MPP2: variants seen among roughly 807,000 people sequenced by gnomAD.
MPP2 encodes MAGUK p55 scaffold protein 2, also known as MAGUK p55 subfamily member 2.
MPP2 carries 42 observed loss-of-function variants against 58.5 expected under a neutral mutation model. The observed-to-expected ratio is 0.72, with a 90% CI of 0.56 to 0.93. The LOEUF is 0.93. MPP2 is among the 40% of genes least tolerant of loss of function. The probability of loss-of-function intolerance (pLI) is 0.00; values close to 1 mark genes in which losing one functional copy is unlikely to be tolerated. For missense variants in MPP2, 632 were observed against 760.4 expected (o/e 0.83, Z 1.99); for synonymous variants, 300 against 307.8 (o/e 0.97, Z 0.26).
chr17:43,875,915 C>T lies in MPP2; in HGVS notation c.*1892G>A, dbSNP rs9896181. ...AGAAGGTAGGAAATGGCAAGTGACC[C>T]TATAGCCTCAGGTCAGCAAGAAAAC... On this transcript the variant is annotated 3_prime_UTR_variant, in exon 13 of 13. Transcript: ENST00000269095. 6.6e-6 allele frequency: 1 copy of T among 152,116 alleles called. No homozygotes were observed. The highest frequency in any genetic ancestry group is 2.4e-5 in the African/African-American group (1 of 41,384). 9.4% of individuals were successfully genotyped at this position (152,116 alleles called of 1,614,324 possible).
At position 43,882,751 on chromosome 17, in the gene MPP2, TC is replaced by T. The variant is rs1366938649; in HGVS notation, c.453+151del. 3.0e-5 allele frequency: 36 copies of T among 1,209,422 alleles called. No individual in the cohort carries two copies. The African/African-American group carries it at 4.7e-4, about 16-fold the overall frequency. The allele number at this position is 1,209,422 out of a possible 1,614,324, so 74.9% of individuals were successfully genotyped here. A position where few individuals can be genotyped will look rare whatever the true frequency, so the allele number is the denominator to read the frequency against. On this transcript the variant is annotated intron_variant, in intron 5 of 12. Coordinates refer to ENST00000269095, the MANE Select transcript of MPP2 (RefSeq NM_005374.5). ...GCAGTGTCTATGGTCTCCTGGGTCT[TC>T]CCCCGACCCTTTGCTGCATCAATCC...
In MPP2 at chr17:43,875,451, G is replaced by A. The variant is rs2046778571; in HGVS notation, c.*2356C>T. Reference sequence around the variant, plus strand: ...ATGGCTGAGGGAGGGAACAGAGGAAGCGCACTGGGGCTGGGACTGAATATG... The same window carrying A: ...ATGGCTGAGGGAGGGAACAGAGGAAACGCACTGGGGCTGGGACTGAATATG... On this transcript the variant is annotated 3_prime_UTR_variant, in exon 13 of 13. Coordinates refer to ENST00000269095, the MANE Select transcript of MPP2 (RefSeq NM_005374.5). 1 of 152,438 alleles carries A rather than the reference G, an allele frequency of 6.6e-6. No individual in the cohort carries two copies. The highest frequency in any genetic ancestry group is 1.5e-5 in the Non-Finnish European group (1 of 68,160). The allele number at this position is 152,438 out of a possible 1,614,324, so 9.4% of individuals were successfully genotyped here.
chr17:43,906,445 C>T (rs2048290835), intron 1 of MPP2, among the ~76,000 whole-genome samples: 1 of 152,246 alleles, frequency 6.6e-6, no homozygotes, highest in African/African-American at 2.4e-5. Context: ...CCTCTCAGCT[C>T]TGCCTCCGAG....
At position 43,879,477 on chromosome 17, in the gene MPP2, TA is replaced by T; in HGVS notation, c.1354-75del. 6.3e-7 allele frequency: 1 copy of T among 1,583,538 alleles called. No individual in the cohort carries two copies. Among genetic ancestry groups the T allele is most frequent in the Non-Finnish European group, 8.6e-7 (1 of 1,158,326 alleles). ...AGGAACCAGAGAAAGGCTGTGAGGG[TA>T]ACTGGGGTTGGGGTGAGCACTTGGG... is the stretch of plus-strand genomic sequence containing the variant. On this transcript the variant is annotated intron_variant, in intron 11 of 12. Coordinates refer to ENST00000269095, the MANE Select transcript of MPP2 (RefSeq NM_005374.5). This position sits in a 1 kb window ranked among gnomAD's most constrained non-coding sequence, Gnocchi z 4.1.
chr17:43,887,672 T>C (rs1231285072), intron 3 of MPP2, among the ~76,000 whole-genome samples: 2 of 152,112 alleles, frequency 1.3e-5, no homozygotes, highest in African/African-American at 4.8e-5. Flanking sequence ...CAGGGCACAA[T>C]GGCTCACACC....
At chr17:43,900,737 C>CGCGGT in intron 2 of MPP2, 1 of 1,140,514 alleles carries the variant, frequency 8.8e-7, no homozygotes, top group South Asian at 1.8e-5. Flanking sequence ...ACTGGCGCTG[C>CGCGGT]GCGGTGCAGA....
rs1260761361 is a variant in MPP2 at position 43,889,807 on chromosome 17, TTTTTTTTTTG to T, written c.151-6462_151-6453del. 2.7e-4 allele frequency among the ~76,000 whole-genome samples: 9 copies of T among 33,650 alleles called. 1 individual carries two copies. Among genetic ancestry groups the T allele is most frequent in the East Asian group, 0.042 (1 of 24 alleles). The allele number at this position is 33,650 out of a possible 152,430, so 22.1% of individuals were successfully genotyped here. ...GGGAATTGTGTCTGTCCAAATGCGT[TTTTTTTTTTG>T]TTTTTTTTTTTTTGAGACAGAGTCT... is the stretch of plus-strand genomic sequence containing the variant. On this transcript the variant is annotated intron_variant, in intron 3 of 12. Coordinates refer to ENST00000269095, the MANE Select transcript of MPP2 (RefSeq NM_005374.5).
At chr17:43,893,987 C>T (rs892457965) in intron 3 of MPP2, among the ~76,000 whole-genome samples, 2 of 151,948 alleles carry the variant, frequency 1.3e-5, no homozygotes, top group African/African-American at 4.8e-5. Flanking sequence ...TAAAAGCACA[C>T]GTAATGGCCA....
intron 3 of MPP2, among the ~76,000 whole-genome samples, chr17:43,889,979 A>G (rs941278818): frequency 1.3e-5 from 2 of 151,162 alleles, no homozygotes; most frequent in Admixed American, 6.6e-5. Flanking sequence ...CGCCTGGCTA[A>G]TTTTTTGTAA....
rs902534252 is a variant in MPP2 at position 43,880,299 on chromosome 17, T to C, written c.1151-315A>G. Among the ~76,000 whole-genome samples, 1 of 152,132 alleles carries C rather than the reference T, an allele frequency of 6.6e-6. No homozygotes were observed. Among genetic ancestry groups the C allele is most frequent in the Non-Finnish European group, 1.5e-5 (1 of 68,018 alleles). ...CCAGGGCAGTGCTCTTAGTCCTGCC[T>C]CTGGCAGCCAGGAGCTTCCACCACC... On this transcript the variant is annotated intron_variant, in intron 10 of 12. Coordinates refer to ENST00000269095, the MANE Select transcript of MPP2 (RefSeq NM_005374.5). This position sits in a 1 kb window ranked among gnomAD's most constrained non-coding sequence, Gnocchi z 5.2.
At chr17:43,891,397 C>T (rs536532350) in intron 3 of MPP2, among the ~76,000 whole-genome samples, 1 of 151,994 alleles carries the variant, frequency 6.6e-6, no homozygotes, top group African/African-American at 2.4e-5. Context: ...GGCCTGTAAT[C>T]CCAGCTACTC....
At chr17:43,890,217 T>A (rs2143654968) in intron 3 of MPP2, among the ~76,000 whole-genome samples, 1 of 152,306 alleles carries the variant, frequency 6.6e-6, no homozygotes, top group East Asian at 1.9e-4. Flanking sequence ...CCCTTACTGC[T>A]TTTTTACTCA....
intron 5 of MPP2, 127 bp downstream of exon 5, chr17:43,882,776 C>A: frequency 1.4e-6 from 2 of 1,401,866 alleles, no homozygotes; most frequent in South Asian, 1.2e-5. Flanking sequence ...CTGCATCAAT[C>A]CTTCCCTGCA....
At position 43,881,258 on chromosome 17, in the gene MPP2, A is replaced by T. The variant is rs962554122; in HGVS notation, c.905T>A (p.Leu302Gln). 1.2e-6 allele frequency: 2 copies of T among 1,613,912 alleles called. No individual in the cohort carries two copies. Among genetic ancestry groups the T allele is most frequent in the East Asian group, 2.2e-5 (1 of 44,870 alleles). ...RKAFVKRDLE[L>Q]TPNSGTLCGS... ...GGACCTCCTACCTGAGTTTGGTGTC[A>T]GCTCCAGGTCCCTCTTGACAAATGC... Residue 302 changes from leucine to glutamine, a missense_variant, in exon 8 of 13, where the codon CTG becomes CAG. By Grantham distance (113) the Leu-to-Gln change is moderately radical. Coordinates refer to ENST00000269095, the MANE Select transcript of MPP2 (RefSeq NM_005374.5).
intron 3 of MPP2, among the ~76,000 whole-genome samples, chr17:43,891,157 C>T (rs1472178385): frequency 1.3e-5 from 2 of 152,252 alleles, no homozygotes; most frequent in African/African-American, 4.8e-5. Context: ...CCCTAGCCTC[C>T]CCACAGAACA....
chr17:43,900,719 A>G lies in MPP2; in HGVS notation c.32-2339T>C, dbSNP rs2048060299. 3.9e-6 allele frequency: 5 copies of G among 1,274,428 alleles called. No individual in the cohort carries two copies. The South Asian group carries it at 6.8e-5, about 17-fold the overall frequency. 78.9% of individuals were successfully genotyped at this position (1,274,428 alleles called of 1,614,324 possible). A position where few individuals can be genotyped will look rare whatever the true frequency, so the allele number is the denominator to read the frequency against. The stretch of plus-strand genomic sequence containing the variant: ...CCGTGACCGCCTTGCTGATTGGCTA[A>G]AGCCCTGACTGGCGCTGCGCGGTGC... On this transcript the variant is annotated intron_variant, in intron 2 of 12. Transcript: ENST00000269095.
At chr17:43,878,011 C>G (rs201224971) in intron 12 of MPP2, 28 bp from the exon 13 acceptor site, 30 of 1,596,900 alleles carry the variant, frequency 1.9e-5, no homozygotes, top group Non-Finnish European at 2.4e-5. Flanking sequence ...GACCTCCCTA[C>G]AGTCAGTGCC....
Position 43,898,379 on chromosome 17 carries a change from G to A in MPP2, c.33C>T (p.Ala11=). Residue 11 remains alanine, a splice_region_variant and synonymous_variant, in exon 3 of 13, where the codon GCC becomes GCT. Transcript: ENST00000269095. ...CCAAGTTGTCCAGGACTTGCTGCATGGCTGGGGGAAGGTACGGGCAGTGAG... is the reference window on the plus strand; with the variant it reads ...CCAAGTTGTCCAGGACTTGCTGCATAGCTGGGGGAAGGTACGGGCAGTGAG... MPVAATNSET[A]MQQVLDNLGS... 1 of 1,612,288 alleles carries A rather than the reference G, an allele frequency of 6.2e-7. No individual in the cohort carries two copies. The highest frequency in any genetic ancestry group is 8.5e-7 in the Non-Finnish European group (1 of 1,178,384).
At chr17:43,907,961 A>G (rs1447165185), upstream of MPP2, 9 of 984,936 alleles carry the variant, frequency 9.1e-6, no homozygotes, top group Admixed American at 6.2e-5. Context: ...CTTCAGAGAG[A>G]CTCCCAGGAA....
Sources: gnomAD v4.1 joint callset for allele counts (sites outside exome capture counted in the v4.1 genomes callset) on GRCh38, gnomAD v4.1.1 for gene constraint, Gnocchi (gnomAD v3.1) non-coding constraint, MANE v1.5 for transcripts, NCBI Gene and HGNC (gene_info 2026-07-23, HGNC 2026-07-21) for gene names.